SEMA3A: variants seen among roughly 807,000 people sequenced by gnomAD.
SEMA3A encodes semaphorin-3A.
Under a neutral mutation model 97.9 loss-of-function variants are expected in SEMA3A, and 29 were observed. The observed-to-expected ratio is 0.30, with a 90% confidence interval of 0.22 to 0.40. SEMA3A has a LOEUF of 0.40. Among genes scored for constraint, SEMA3A ranks in the 10% least tolerant of loss-of-function variants. The pLI, the probability that SEMA3A is intolerant of heterozygous loss-of-function variation, is 1.00. For missense variants in SEMA3A, 763 were observed against 951.3 expected, an observed-to-expected ratio of 0.80 and a Z score of 2.60; for synonymous variants, 321 against 323.7, an observed-to-expected ratio of 0.99 and a Z score of 0.09.
At chr7:84,121,642 T>G (rs1471967038) in intron 3 of SEMA3A, among the ~76,000 whole-genome samples, 30 of 24,564 alleles carry the variant, frequency 1.2e-3, no homozygotes, top group South Asian at 2.9e-3. Flanking sequence ...CCAAGTCTTT[T>G]TTTTTTTTTT....
At chr7:84,282,766 C>G (rs1263628605) in intron 3 of SEMA3A, among the ~76,000 whole-genome samples, 1 of 152,070 alleles carries the variant, frequency 6.6e-6, no homozygotes, top group Non-Finnish European at 1.5e-5. Context: ...GTAATCCCAG[C>G]ACTTTGGGAG....
Position 84,011,824 on chromosome 7 carries a change from CATT to C in SEMA3A, c.811-530_811-528del, listed in dbSNP as rs1313551012. On this transcript the variant is annotated intron_variant, in intron 7 of 16. Coordinates refer to ENST00000265362, the MANE Select transcript of SEMA3A (RefSeq NM_006080.3). ...TTAATTAGTTGATTTAATTATTACA[CATT>C]ATATTCAAAAATCAACATTGTTTTG... Among the ~76,000 whole-genome samples, 7 of 152,032 alleles carry C rather than the reference CATT, an allele frequency of 4.6e-5. 1 individual carries two copies. The highest frequency in any genetic ancestry group is 1.3e-4 in the Admixed American group (2 of 15,254).
intron 1 of SEMA3A, among the ~76,000 whole-genome samples, chr7:84,384,305 A>C (rs1370248406): frequency 6.6e-6 from 1 of 152,152 alleles, no homozygotes; most frequent in East Asian, 1.9e-4. Flanking sequence ...TAATTCTACT[A>C]TTGTGGCTTC....
intron 1 of SEMA3A, among the ~76,000 whole-genome samples, chr7:84,466,227 G>A (rs927966588): frequency 5.3e-5 from 8 of 152,096 alleles, no homozygotes; most frequent in Admixed American, 1.3e-4. Flanking sequence ...AGGCTGGAGT[G>A]CAGCGGCGGA....
At chr7:84,392,325 G>A in intron 1 of SEMA3A, among the ~76,000 whole-genome samples, 1 of 152,004 alleles carries the variant, frequency 6.6e-6, no homozygotes, top group East Asian at 1.9e-4. Flanking sequence ...TGTGATATTT[G>A]TCTTCTTGTT....
At chr7:84,248,262 G>C (rs1449893320) in intron 3 of SEMA3A, among the ~76,000 whole-genome samples, 1 of 152,114 alleles carries the variant, frequency 6.6e-6, no homozygotes, top group Non-Finnish European at 1.5e-5. Flanking sequence ...GTCCTTTAAA[G>C]TGGCTGTTAA....
chr7:84,134,935 G>T lies in SEMA3A; in HGVS notation c.129C>A (p.Asn43Lys). 6.2e-7 allele frequency: 1 copy of T among 1,612,770 alleles called. No individual in the cohort carries two copies. Among genetic ancestry groups the T allele is most frequent in the Non-Finnish European group, 8.5e-7 (1 of 1,179,616 alleles). ...KLSYKEMLES[N>K]NVITFNGLAN... is the part of the protein sequence containing the mutation. ...CCAAGCCATTGAAAGTGATCACATT[G>T]TTGGATTCCAACATTTCTGCAAGGT... Residue 43 changes from asparagine to lysine, a missense_variant, in exon 2 of 17, where the codon AAC becomes AAA. By Grantham distance (94) the Asn-to-Lys change is moderately conservative (BLOSUM62 0). Coordinates refer to ENST00000265362, the MANE Select transcript of SEMA3A (RefSeq NM_006080.3).
chr7:83,998,884 T>A (rs1325259520), intron 12 of SEMA3A, among the ~76,000 whole-genome samples: 1 of 152,158 alleles, frequency 6.6e-6, no homozygotes, highest in Non-Finnish European at 1.5e-5. Flanking sequence ...TCTGTGTCTT[T>A]CACCTCCACA....
intron 1 of SEMA3A, among the ~76,000 whole-genome samples, chr7:84,390,264 G>T (rs1803506085): frequency 2.0e-5 from 3 of 150,874 alleles, no homozygotes; most frequent in Admixed American, 1.3e-4. Context: ...TGCCGTTATG[G>T]TAGGAACACT....
At chr7:84,479,418 A>G (rs575711471) in intron 1 of SEMA3A, among the ~76,000 whole-genome samples, 1 of 152,342 alleles carries the variant, frequency 6.6e-6, no homozygotes, top group South Asian at 2.1e-4. Flanking sequence ...TCAACTTTCA[A>G]TCAAGAAGTA....
At chr7:84,218,700 C>T (rs1056389872) in intron 3 of SEMA3A, among the ~76,000 whole-genome samples, 7 of 152,160 alleles carry the variant, frequency 4.6e-5, no homozygotes, top group African/African-American at 1.7e-4. Context: ...GGGATTTCAA[C>T]TGAGTATGGT....
At chr7:84,019,248 CT>C (rs1191567526) in intron 6 of SEMA3A, among the ~76,000 whole-genome samples, 1 of 152,062 alleles carries the variant, frequency 6.6e-6, no homozygotes, top group Non-Finnish European at 1.5e-5. Context: ...GGAAGACAAG[CT>C]CTGTTTAGTG....
chr7:84,287,175 T>C (rs912548521), intron 3 of SEMA3A, among the ~76,000 whole-genome samples: 2 of 152,078 alleles, frequency 1.3e-5, no homozygotes, highest in Non-Finnish European at 2.9e-5. Flanking sequence ...CCTAGAATCA[T>C]AGCATTTTGG....
At chr7:84,160,221 CTG>C (rs1796983651) in intron 1 of SEMA3A, among the ~76,000 whole-genome samples, 1 of 122,820 alleles carries the variant, frequency 8.1e-6, no homozygotes, top group Non-Finnish European at 1.7e-5. Context: ...AACTATCAAT[CTG>C]TCTATCTATC....
At chr7:84,461,547 T>A (rs1805840430) in intron 1 of SEMA3A, among the ~76,000 whole-genome samples, 1 of 151,984 alleles carries the variant, frequency 6.6e-6, no homozygotes, top group Non-Finnish European at 1.5e-5. Flanking sequence ...CATGAAGAGA[T>A]AATATTTTGT....
chr7:84,383,261 A>C (rs1180337735), intron 1 of SEMA3A, among the ~76,000 whole-genome samples: 1 of 152,172 alleles, frequency 6.6e-6, no homozygotes, highest in African/African-American at 2.4e-5. Flanking sequence ...TTCTGTACTA[A>C]AGAATATTAC....
intron 2 of SEMA3A, among the ~76,000 whole-genome samples, chr7:84,318,526 T>G (rs113752381): frequency 0.026 from 3,872 of 151,434 alleles, 168 homozygotes; most frequent in African/African-American, 0.089. Context: ...GTTTCACCGT[T>G]TTAGCCGGGA....
At chr7:84,329,652 T>A (rs1313642554) in intron 2 of SEMA3A, among the ~76,000 whole-genome samples, 1 of 152,016 alleles carries the variant, frequency 6.6e-6, no homozygotes, top group Non-Finnish European at 1.5e-5. Flanking sequence ...AATATCCAGG[T>A]GAACAATAAT....
At chr7:84,233,423 T>C (rs1426218134) in intron 3 of SEMA3A, among the ~76,000 whole-genome samples, 1 of 152,014 alleles carries the variant, frequency 6.6e-6, no homozygotes, top group Non-Finnish European at 1.5e-5. Context: ...ATAAAGTTGT[T>C]GTGAGGATTA....
Sources: gnomAD v4.1 joint callset for allele counts (sites outside exome capture counted in the v4.1 genomes callset) on GRCh38, gnomAD v4.1.1 for gene constraint, MANE v1.5 for transcripts, NCBI Gene and HGNC (gene_info 2026-07-23, HGNC 2026-07-21) for gene names.